Variants in CTSZ observed in about 807,000 individuals in gnomAD.
CTSZ encodes the protein carboxypeptidase LB.
In CTSZ, 39 loss-of-function variants were observed where a neutral mutation model predicts 32.4. The ratio of observed to expected loss-of-function variants is 1.20; its 90% CI spans 0.93 to 1.57. The LOEUF is 1.57. Among genes scored for constraint, CTSZ ranks in the 40% most tolerant of loss-of-function variants. The pLI is 0.00. For missense variants in CTSZ, 397 were observed against 419.6 expected (o/e 0.95, Z 0.47); for synonymous variants, 168 against 170.1 (o/e 0.99, Z 0.10).
Position 58,995,242 on chromosome 20 carries a change from C to A in CTSZ, c.*407G>T. Reference sequence around the variant, plus strand: ...TTGGGCGATTTGAAACTGCCAACTCCCTCCCTCCCTCCCCCACCCTTGATT... The same window carrying A: ...TTGGGCGATTTGAAACTGCCAACTCACTCCCTCCCTCCCCCACCCTTGATT... On this transcript the variant is annotated 3_prime_UTR_variant, in exon 6 of 6. Coordinates refer to ENST00000217131, the MANE Select transcript of CTSZ (RefSeq NM_001336.4). 1 of 161,906 alleles carries A rather than the reference C, an allele frequency of 6.2e-6. No homozygotes were observed. The highest frequency in any genetic ancestry group is 1.3e-5 in the Non-Finnish European group (1 of 74,318). 10.0% of individuals were successfully genotyped at this position (161,906 alleles called of 1,614,324 possible).
At chr20:59,006,546 G>GA (rs2091909493) in intron 1 of CTSZ, 61 bp from the exon 2 acceptor site, 1 of 1,540,708 alleles carries the variant, frequency 6.5e-7, no homozygotes, top group South Asian at 1.2e-5. Context: ...GTGGGCCCAG[G>GA]AAGCCCTCGG....
rs765670544 is a variant in CTSZ at position 59,004,460 on chromosome 20, C to T, written c.307+1862G>A. 7.3e-5 allele frequency among the ~76,000 whole-genome samples: 11 copies of T among 151,376 alleles called. No individual in the cohort carries two copies. Among genetic ancestry groups the T allele is most frequent in the East Asian group, 1.9e-4 (1 of 5,142 alleles). On this transcript the variant is annotated intron_variant, in intron 2 of 5. Coordinates refer to ENST00000217131, the MANE Select transcript of CTSZ (RefSeq NM_001336.4). The surrounding 1 kb of genome is among the most constrained non-coding windows in gnomAD (Gnocchi z 5.6). Reference sequence around the variant, plus strand: ...CAGGTGGCAGTGGAAAGAACAGTGCCGGTGGAGTGGCAGAGGTGGGACTGA... The same window carrying T: ...CAGGTGGCAGTGGAAAGAACAGTGCTGGTGGAGTGGCAGAGGTGGGACTGA...
Position 59,004,873 on chromosome 20 carries a change from G to A in CTSZ, c.307+1449C>T, listed in dbSNP as rs2091903030. Reference sequence around the variant, plus strand: ...GAGTCCCCTGGGGAAATGCGGCAGGGCTGACCCCTGGCCAGGGTCCCACAT... The same window carrying A: ...GAGTCCCCTGGGGAAATGCGGCAGGACTGACCCCTGGCCAGGGTCCCACAT... On this transcript the variant is annotated intron_variant, in intron 2 of 5. Coordinates refer to ENST00000217131, the MANE Select transcript of CTSZ (RefSeq NM_001336.4). The surrounding 1 kb of genome is among the most constrained non-coding windows in gnomAD (Gnocchi z 5.6). Among the ~76,000 whole-genome samples the A allele has an allele frequency of 6.6e-6, 1 of 152,004 alleles. No individual in the cohort carries two copies. Among genetic ancestry groups the A allele is most frequent in the African/African-American group, 2.4e-5 (1 of 41,360 alleles).
intron 4 of CTSZ, 51 bp from the exon 5 acceptor site, chr20:58,996,852 C>T (rs778366073): frequency 2.3e-5 from 37 of 1,588,706 alleles, no homozygotes; most frequent in South Asian, 2.1e-4. Context: ...GAGAATTTAC[C>T]GTCATTAGAA....
At chr20:59,006,266 T>C (rs956042402) in intron 2 of CTSZ, 56 bp downstream of exon 2, 3 of 1,525,016 alleles carry the variant, frequency 2.0e-6, no homozygotes, top group African/African-American at 2.7e-5. Context: ...CCTGGGCCTA[T>C]AAACAGGCAG....
At chr20:58,998,552 A>AAAAAG (rs368429073) in intron 3 of CTSZ, among the ~76,000 whole-genome samples, 4 of 145,286 alleles carry the variant, frequency 2.8e-5, no homozygotes, top group African/African-American at 7.8e-5. Context: ...GTCTCAAAAA[A>AAAAAG]AAAGAAAGAA....
chr20:59,006,419 A>C lies in CTSZ; in HGVS notation c.210T>G (p.Asn70Lys), dbSNP rs1430561789. ...ADLPKSWDWR[N>K]VDGVNYASIT... is the part of the protein sequence containing the mutation. Reference sequence around the variant, plus strand: ...TGCTGGCATAGTTGACACCATCCACATTGCGCCAGTCCCAGCTCTTGGGCA... The same window carrying C: ...TGCTGGCATAGTTGACACCATCCACCTTGCGCCAGTCCCAGCTCTTGGGCA... Residue 70 changes from asparagine (N) to lysine (K), a missense_variant, in exon 2 of 6, where the codon AAT (asparagine) becomes AAG (lysine). Physicochemically the swap from Asn to Lys is moderately conservative, Grantham distance 94 (BLOSUM62 0). Coordinates refer to ENST00000217131, the MANE Select transcript of CTSZ (RefSeq NM_001336.4). The C allele has an allele frequency of 5.0e-6, 8 of 1,613,908 alleles. No homozygotes were observed. The African/African-American group carries it at 9.3e-5, about 19-fold the overall frequency.
Position 58,995,679 on chromosome 20 carries a change from C to G in CTSZ, c.882G>C (p.Glu294Asp), listed in dbSNP as rs774886423. Residue 294 changes from glutamate to aspartate, a missense_variant, in exon 6 of 6, where the codon GAG becomes GAC. Glu to Asp is a conservative substitution (Grantham distance 45). Coordinates refer to ENST00000217131, the MANE Select transcript of CTSZ (RefSeq NM_001336.4). ...KGARYNLAIE[E>D]HCTFGDPIV ...CGATGGGGTCCCCAAATGTACAGTG[C>G]TCCTCGATGGCAAGGTTGTATCTGG... 6.8e-6 allele frequency: 11 copies of G among 1,614,180 alleles called. No individual in the cohort carries two copies. The East Asian group carries it at 2.0e-4, about 29-fold the overall frequency.
chr20:59,006,630 T>G (rs947677471), intron 1 of CTSZ, 145 bp from the exon 2 acceptor site: 1 of 836,754 alleles, frequency 1.2e-6, no homozygotes, highest in Admixed American at 2.8e-5. Flanking sequence ...GAGCCAGGTG[T>G]GGGCCCACCT....
In CTSZ at chr20:58,995,706, G is replaced by T; in HGVS notation, c.855C>A (p.Gly285=). The T allele has an allele frequency of 6.2e-7, 1 of 1,614,094 alleles. No homozygotes were observed. Among genetic ancestry groups the T allele is most frequent in the Non-Finnish European group, 8.5e-7 (1 of 1,180,004 alleles). The change falls in exon 6 of 6, where the codon GGC becomes GGA. Residue 285 remains glycine, a synonymous_variant. Coordinates refer to ENST00000217131, the MANE Select transcript of CTSZ (RefSeq NM_001336.4). ...IVTSTYKDGK[G]ARYNLAIEEH... ...CCTCGATGGCAAGGTTGTATCTGGCGCCCTTCCCATCCTTATAGGTGCTGG... is the reference window on the plus strand; with the variant it reads ...CCTCGATGGCAAGGTTGTATCTGGCTCCCTTCCCATCCTTATAGGTGCTGG...
chr20:59,006,482 T>C lies in CTSZ; in HGVS notation c.147A>G (p.Thr49=), dbSNP rs768646415. Residue 49 remains threonine, a synonymous_variant, in exon 2 of 6, where the codon ACA becomes ACG. Transcript: ENST00000217131. ...ACAGGTACTCATGAGGCCGGGGGTA[T>C]GTGCTGAGAAGAGATCATCCCCACC... ...GDGLAPLGRS[T]YPRPHEYLSP... 1 of 1,611,814 alleles carries C rather than the reference T, an allele frequency of 6.2e-7. No homozygotes were observed. The highest frequency in any genetic ancestry group is 1.1e-5 in the South Asian group (1 of 91,050).
chr20:58,998,009 A>AGTTCGCCTTTGGGT (rs1283326465), intron 3 of CTSZ, among the ~76,000 whole-genome samples: 1 of 152,214 alleles, frequency 6.6e-6, no homozygotes, highest in East Asian at 1.9e-4. Flanking sequence ...GGCACCCAGG[A>AGTTCGCCTTTGGGT]GTTCGCCTTT....
In CTSZ at chr20:59,001,340, C is replaced by T. The variant is rs113592645; in HGVS notation, c.487+125G>A. On this transcript the variant is annotated intron_variant, in intron 3 of 5. Coordinates refer to ENST00000217131, the MANE Select transcript of CTSZ (RefSeq NM_001336.4). ...CTGGGGGCTGCAACCTCTGCCCTCC[C>T]GCAGCTCCCCAGCCACCAGCCAATG... 4,286 of 1,166,996 alleles carry T rather than the reference C, an allele frequency of 3.7e-3. 90 individuals carry two copies. In the African/African-American group the frequency reaches 0.053, roughly 15 times the overall value. The allele number at this position is 1,166,996 out of a possible 1,614,324, so 72.3% of individuals were successfully genotyped here.
chr20:59,006,579 A>G, intron 1 of CTSZ, 94 bp from the exon 2 acceptor site: 1 of 1,327,506 alleles, frequency 7.5e-7, no homozygotes, highest in Non-Finnish European at 1.0e-6. Flanking sequence ...GCCTTTCCCA[A>G]CACCTGAGGG....
In CTSZ at chr20:59,007,226, G is replaced by C. The variant is rs558966755; in HGVS notation, c.-98C>G. The C allele has an allele frequency of 1.3e-3, 1,605 of 1,235,256 alleles. 20 individuals carry two copies. The African/African-American group carries it at 0.025, about 19-fold the overall frequency. The allele number at this position is 1,235,256 out of a possible 1,614,324, so 76.5% of individuals were successfully genotyped here. A position where few individuals can be genotyped will look rare whatever the true frequency, so the allele number is the denominator to read the frequency against. ...TGGATCCCGCCCCGGCCTCGGCCTC[G>C]GCCCAGCACCCGGCCGACCCCGCAC... is the stretch of plus-strand genomic sequence containing the variant. On this transcript the variant is annotated 5_prime_UTR_variant, in exon 1 of 6. Transcript: ENST00000217131.
At chr20:59,000,828 AT>A (rs575057726) in intron 3 of CTSZ, among the ~76,000 whole-genome samples, 12,467 of 133,168 alleles carry the variant, frequency 0.094, 468 homozygotes, top group African/African-American at 0.15. Flanking sequence ...CAGGGCCGGT[AT>A]TTTTTTTTTT....
In CTSZ at chr20:59,002,885, C is replaced by A. The variant is rs117439810; in HGVS notation, c.308-1241G>T. ...TCCCCGCTCCCTTGTCAGCTATGCC[C>A]CCTCTAAGCAGATCTGCACACCCCA... On this transcript the variant is annotated intron_variant, in intron 2 of 5. Coordinates refer to ENST00000217131, the MANE Select transcript of CTSZ (RefSeq NM_001336.4). This position sits in a 1 kb window ranked among gnomAD's most constrained non-coding sequence, Gnocchi z 4.1. Among the ~76,000 whole-genome samples, 733 of 152,162 alleles carry A rather than the reference C, an allele frequency of 4.8e-3. 8 individuals are homozygous for A. Among genetic ancestry groups the A allele is most frequent in the Non-Finnish European group, 8.4e-3 (568 of 68,006 alleles).
Position 59,006,981 on chromosome 20 carries a change from C to T in CTSZ, c.143+5G>A. Reference sequence around the variant, plus strand: ...CCCCAGGGCTGCCTCCCCGCCGGTGCCCACCTGCGCCCCAGCGGAGCCAGC... The same window carrying T: ...CCCCAGGGCTGCCTCCCCGCCGGTGTCCACCTGCGCCCCAGCGGAGCCAGC... On this transcript the variant is annotated splice_donor_5th_base_variant and intron_variant, in intron 1 of 5. Transcript: ENST00000217131. 1.4e-6 allele frequency: 2 copies of T among 1,441,958 alleles called. No individual in the cohort carries two copies. The highest frequency in any genetic ancestry group is 1.8e-6 in the Non-Finnish European group (2 of 1,105,486). The allele number at this position is 1,441,958 out of a possible 1,614,324, so 89.3% of individuals were successfully genotyped here.
chr20:58,999,255 C>G (rs1015485244), intron 3 of CTSZ, among the ~76,000 whole-genome samples: 84 of 152,204 alleles, frequency 5.5e-4, no homozygotes, highest in African/African-American at 1.9e-3. Flanking sequence ...AGTCTGGTCT[C>G]GAACTCCTGG....
Sources: gnomAD v4.1 joint callset for allele counts (sites outside exome capture counted in the v4.1 genomes callset) on GRCh38, gnomAD v4.1.1 for gene constraint, Gnocchi (gnomAD v3.1) non-coding constraint, MANE v1.5 for transcripts, NCBI Gene and HGNC (gene_info 2026-07-23, HGNC 2026-07-21) for gene names.